Variants in MDFIC observed in about 807,000 individuals in gnomAD.
The protein encoded by MDFIC is MyoD family inhibitor domain containing.
A neutral mutation model predicts 23.2 loss-of-function variants in MDFIC; 17 were observed. That is an observed-to-expected ratio of 0.73 (90% CI 0.50 to 1.10). The LOEUF (loss-of-function observed/expected upper bound fraction) is 1.10. Ranked by LOEUF, MDFIC falls within the 50% of genes least tolerant of loss-of-function variation. The pLI is 0.00. For synonymous variants in MDFIC, 120 were observed against 115.2 expected (o/e 1.04, Z -0.27); for missense variants, 356 against 316.6 (o/e 1.12, Z -0.95).
chr7:114,923,449 T>C (rs1296062003), intron 2 of MDFIC: 1 of 1,537,584 alleles, frequency 6.5e-7, no homozygotes, highest in Non-Finnish European at 8.7e-7. Context: ...CTGAAGCGCT[T>C]CTCCTCTAGG....
intron 4 of MDFIC, among the ~76,000 whole-genome samples, chr7:115,007,550 CT>C (rs949842587): frequency 1.5e-4 from 22 of 149,810 alleles, no homozygotes; most frequent in Admixed American, 1.2e-3. Flanking sequence ...ACTTTTACCC[CT>C]CTTCAGATTT....
rs73441214 is a variant in MDFIC at position 114,923,146 on chromosome 7, G to T, written c.94+19G>T. ...GCCCAGGGTGAGTGCGCGCTTGCAA[G>T]TGGCAAGCTTCTTTGTCATTGTTGC... On this transcript the variant is annotated intron_variant, in intron 2 of 4. Coordinates refer to ENST00000393486, the MANE Select transcript of MDFIC (RefSeq NM_001166345.3). 7.6e-3 allele frequency: 11,612 copies of T among 1,527,708 alleles called. 185 individuals are homozygous for T. The highest frequency in any genetic ancestry group is 0.065 in the African/African-American group (4,744 of 72,744). The allele number at this position is 1,527,708 out of a possible 1,614,324, so 94.6% of individuals were successfully genotyped here.
chr7:114,956,509 A>T (rs1792888461), intron 3 of MDFIC, among the ~76,000 whole-genome samples: 1 of 152,136 alleles, frequency 6.6e-6, no homozygotes, highest in South Asian at 2.1e-4. Flanking sequence ...GAGAATCAGC[A>T]TATGCCATTT....
At chr7:114,967,048 G>A (rs1165469201) in intron 3 of MDFIC, among the ~76,000 whole-genome samples, 1 of 151,808 alleles carries the variant, frequency 6.6e-6, no homozygotes, top group Non-Finnish European at 1.5e-5. Flanking sequence ...TAAATTTCTG[G>A]GTGTTATATA....
intron 3 of MDFIC, among the ~76,000 whole-genome samples, chr7:114,978,343 G>A (rs886161686): frequency 2.6e-5 from 4 of 151,940 alleles, no homozygotes; most frequent in Non-Finnish European, 5.9e-5. Context: ...TATGGAAATG[G>A]CATTAAATAA....
At chr7:114,947,476 T>C (rs1792669908) in intron 3 of MDFIC, among the ~76,000 whole-genome samples, 1 of 152,222 alleles carries the variant, frequency 6.6e-6, no homozygotes, top group Non-Finnish European at 1.5e-5. Context: ...TCCTAAGTCA[T>C]TTTTGATGGG....
chr7:114,922,649 C>T lies in MDFIC; in HGVS notation c.-108+13C>T. Reference sequence around the variant, plus strand: ...GGGGGATGCGGAGGTAGGTAGTGGTCTCCGGGCGGGGAAGAGGAGGGGTTT... The same window carrying T: ...GGGGGATGCGGAGGTAGGTAGTGGTTTCCGGGCGGGGAAGAGGAGGGGTTT... On this transcript the variant is annotated intron_variant, in intron 1 of 4. Coordinates refer to ENST00000393486, the MANE Select transcript of MDFIC (RefSeq NM_001166345.3). 7.6e-7 allele frequency: 1 copy of T among 1,308,658 alleles called. No homozygotes were observed. The highest frequency in any genetic ancestry group is 4.1e-5 in the Admixed American group (1 of 24,424). 81.1% of individuals were successfully genotyped at this position (1,308,658 alleles called of 1,614,324 possible).
chr7:114,954,163 C>CT (rs1161068637), intron 3 of MDFIC, among the ~76,000 whole-genome samples: 16 of 152,302 alleles, frequency 1.1e-4, no homozygotes, highest in African/African-American at 3.1e-4. Flanking sequence ...ATACCTTGGA[C>CT]TTTTTTATTA....
intron 3 of MDFIC, among the ~76,000 whole-genome samples, chr7:114,960,284 G>A (rs1020184766): frequency 2.6e-5 from 4 of 152,182 alleles, no homozygotes; most frequent in African/African-American, 9.7e-5. Context: ...GTTAAAGGAA[G>A]AAGTACAGGG....
chr7:114,968,573 A>T (rs1280555071), intron 3 of MDFIC, among the ~76,000 whole-genome samples: 1 of 152,212 alleles, frequency 6.6e-6, no homozygotes, highest in Admixed American at 6.5e-5. Flanking sequence ...GTTGGACAAG[A>T]TAATTAGCAC....
chr7:114,949,739 C>T (rs1217518922), intron 3 of MDFIC, among the ~76,000 whole-genome samples: 3 of 152,088 alleles, frequency 2.0e-5, no homozygotes, highest in Non-Finnish European at 4.4e-5. Flanking sequence ...TATGAGTGCT[C>T]CAGTGGGGAA....
chr7:115,005,614 G>T (rs967915430), intron 4 of MDFIC, among the ~76,000 whole-genome samples: 1 of 152,040 alleles, frequency 6.6e-6, no homozygotes, highest in South Asian at 2.1e-4. Context: ...TAATACACTA[G>T]GCTACAAAAT....
chr7:115,000,716 A>C (rs1205895205), intron 4 of MDFIC, among the ~76,000 whole-genome samples: 1 of 152,160 alleles, frequency 6.6e-6, no homozygotes, highest in Non-Finnish European at 1.5e-5. Context: ...TTCCTAAGTA[A>C]CTTGTTTTCA....
chr7:114,995,519 T>C (rs1791304595), intron 4 of MDFIC, among the ~76,000 whole-genome samples: 1 of 152,120 alleles, frequency 6.6e-6, no homozygotes, highest in Non-Finnish European at 1.5e-5. Flanking sequence ...GCAGATGGGG[T>C]TTTGGTGTGG....
At chr7:114,952,878 T>G (rs937108964) in intron 3 of MDFIC, among the ~76,000 whole-genome samples, 5 of 152,236 alleles carry the variant, frequency 3.3e-5, no homozygotes, top group Admixed American at 1.3e-4. Flanking sequence ...CTTCACGATA[T>G]TCCTTCAGCA....
At chr7:114,993,661 G>A (rs569928235) in intron 4 of MDFIC, among the ~76,000 whole-genome samples, 140 of 152,288 alleles carry the variant, frequency 9.2e-4, no homozygotes, top group Non-Finnish European at 1.7e-3. Flanking sequence ...GAGTGGTTTT[G>A]AGTGAGTTTC....
At chr7:114,964,742 G>C (rs1009631024) in intron 3 of MDFIC, among the ~76,000 whole-genome samples, 4 of 152,050 alleles carry the variant, frequency 2.6e-5, no homozygotes, top group Non-Finnish European at 5.9e-5. Context: ...GTAGAAACAG[G>C]GTTTTCCTGT....
intron 4 of MDFIC, among the ~76,000 whole-genome samples, chr7:115,008,688 C>T (rs1055170040): frequency 6.6e-6 from 1 of 152,228 alleles, no homozygotes. Flanking sequence ...CCCCTACACA[C>T]ACTTGAGGAG....
chr7:114,929,877 G>A (rs1253573395), intron 2 of MDFIC, among the ~76,000 whole-genome samples: 1 of 152,156 alleles, frequency 6.6e-6, no homozygotes, highest in African/African-American at 2.4e-5. Flanking sequence ...TTCTGGGATG[G>A]AATGGGATGA....
Sources: allele counts gnomAD v4.1 joint callset (sites outside exome capture counted in the v4.1 genomes callset), GRCh38; gene constraint gnomAD v4.1.1; transcripts MANE v1.5; gene names NCBI Gene and HGNC (gene_info 2026-07-23, HGNC 2026-07-21).